Variants in CDIN1 observed in about 807,000 individuals in gnomAD.
CDIN1 encodes CDAN1 interacting nuclease 1.
In CDIN1, 33 loss-of-function variants were observed where a neutral mutation model predicts 45.3. That is an observed-to-expected ratio of 0.73 (90% CI 0.55 to 0.97). The LOEUF is 0.97. Among genes scored for constraint, CDIN1 ranks in the 50% least tolerant of loss-of-function variants. CDIN1 has a pLI of 0.00. For missense variants in CDIN1, 303 were observed against 339.4 expected, an observed-to-expected ratio of 0.89 and a Z score of 0.84; for synonymous variants, 118 against 124.4, an observed-to-expected ratio of 0.95 and a Z score of 0.34.
chr15:36,725,953 G>A (rs2043609084), intron 10 of CDIN1, among the ~76,000 whole-genome samples: 1 of 152,030 alleles, frequency 6.6e-6, no homozygotes, highest in Non-Finnish European at 1.5e-5. Context: ...AATATTCTCC[G>A]AGCATTTAGA....
chr15:36,587,069 CTAA>C (rs1344507205), intron 1 of CDIN1, among the ~76,000 whole-genome samples: 1 of 152,188 alleles, frequency 6.6e-6, no homozygotes, highest in Admixed American at 6.5e-5. Context: ...AGTCGCTGTA[CTAA>C]TGACTCAAAC....
chr15:36,800,819 T>C (rs2054988635), intron 10 of CDIN1, among the ~76,000 whole-genome samples: 1 of 146,590 alleles, frequency 6.8e-6, no homozygotes, highest in Non-Finnish European at 1.5e-5. Flanking sequence ...CAACTCATAA[T>C]AAGAGAAAAA....
intron 1 of CDIN1, among the ~76,000 whole-genome samples, chr15:36,643,093 C>T (rs912560180): frequency 1.3e-4 from 20 of 152,066 alleles, no homozygotes; most frequent in Non-Finnish European, 2.8e-4. Flanking sequence ...AAAAAACAGA[C>T]TATAATGGAT....
chr15:36,610,727 A>G (rs1210822337), intron 1 of CDIN1, among the ~76,000 whole-genome samples: 2 of 152,246 alleles, frequency 1.3e-5, no homozygotes, highest in African/African-American at 4.8e-5. Context: ...TTAAGTGTCC[A>G]CAGAATTGGT....
At chr15:36,650,946 T>C (rs1297664179) in intron 3 of CDIN1, among the ~76,000 whole-genome samples, 1 of 151,784 alleles carries the variant, frequency 6.6e-6, no homozygotes, top group African/African-American at 2.4e-5. Context: ...TCCTGTAGTC[T>C]CAGCTACTTG....
chr15:36,797,979 C>CAAACAAAAA (rs1555410386), intron 10 of CDIN1, among the ~76,000 whole-genome samples: 2 of 55,268 alleles, frequency 3.6e-5, no homozygotes, highest in African/African-American at 1.4e-4. Context: ...GACTCCATCT[C>CAAACAAAAA]AAAAAAAAAA....
In CDIN1 at chr15:36,608,331, C is replaced by A. The variant is rs75621472; in HGVS notation, c.101+28370C>A. 8.4e-3 allele frequency among the ~76,000 whole-genome samples: 1,284 copies of A among 152,264 alleles called. 24 individuals are homozygous for A. The highest frequency in any genetic ancestry group is 0.03 in the African/African-American group (1,233 of 41,550). ...TTTAATTTCTCAGAATCATCAATAA[C>A]ACTTGTGTATTGTGTCCTTTTGATT... On this transcript the variant is annotated intron_variant, in intron 1 of 10. Coordinates refer to ENST00000566621, the MANE Select transcript of CDIN1 (RefSeq NM_001321759.2).
intron 8 of CDIN1, among the ~76,000 whole-genome samples, chr15:36,701,542 A>G (rs1334717552): frequency 6.6e-6 from 1 of 152,138 alleles, no homozygotes; most frequent in Non-Finnish European, 1.5e-5. Context: ...CTGAAGATAA[A>G]CCATCCATCT....
intron 6 of CDIN1, 104 bp from the exon 7 acceptor site, chr15:36,692,022 G>T (rs1566904825): frequency 2.6e-6 from 3 of 1,138,214 alleles, no homozygotes; most frequent in East Asian, 5.3e-5. Flanking sequence ...TTTTTGGGGG[G>T]CGGGGGTGGG....
At chr15:36,583,062 T>C (rs1273051581) in intron 1 of CDIN1, among the ~76,000 whole-genome samples, 5 of 152,214 alleles carry the variant, frequency 3.3e-5, no homozygotes, top group Admixed American at 6.5e-5. Context: ...CCTATATATG[T>C]CATATTTGTT....
intron 10 of CDIN1, among the ~76,000 whole-genome samples, chr15:36,716,869 C>G (rs115004913): frequency 0.021 from 3,194 of 152,258 alleles, 115 homozygotes; most frequent in African/African-American, 0.073. Flanking sequence ...AGGGACTCAG[C>G]CCCTGCCTTT....
At position 36,809,995 on chromosome 15, in the gene CDIN1, GTGAAA is replaced by G. The variant is rs2055346287; in HGVS notation, c.*1544_*1548del. 1 of 151,764 alleles carries G rather than the reference GTGAAA, an allele frequency of 6.6e-6. No individual in the cohort carries two copies. Among genetic ancestry groups the G allele is most frequent in the Admixed American group, 6.6e-5 (1 of 15,196 alleles). 9.4% of individuals were successfully genotyped at this position (151,764 alleles called of 1,614,324 possible). ...TAAAATTCATCATGCAGGCTTCTGA[GTGAAA>G]TAGAATGATTTGAAACCACTACTGT... On this transcript the variant is annotated 3_prime_UTR_variant, in exon 11 of 11. Transcript: ENST00000566621.
rs144761919 is a variant in CDIN1 at position 36,671,447 on chromosome 15, T to G, written c.346+13542T>G. 1.5e-4 allele frequency among the ~76,000 whole-genome samples: 23 copies of G among 152,232 alleles called. No homozygotes were observed. In the East Asian group the frequency reaches 4.3e-3, roughly 28 times the overall value. ...TTTGTTTTTAATATTTCCTGTCTTA[T>G]TTTTTAAAATCATTCTGACATATTG... is the stretch of plus-strand genomic sequence containing the variant. On this transcript the variant is annotated intron_variant, in intron 5 of 10. Transcript: ENST00000566621.
intron 10 of CDIN1, among the ~76,000 whole-genome samples, chr15:36,723,011 A>G (rs1163134682): frequency 6.0e-5 from 9 of 149,820 alleles, no homozygotes; most frequent in Admixed American, 2.0e-4. Flanking sequence ...CATTCTTCCA[A>G]TCTACTCTTA....
intron 1 of CDIN1, chr15:36,617,589 C>T: frequency 2.6e-6 from 2 of 779,122 alleles, no homozygotes; most frequent in African/African-American, 1.7e-5. Context: ...AAAAGTTGAC[C>T]ACAGACCCTG....
At chr15:36,669,840 A>C (rs1297362226) in intron 5 of CDIN1, among the ~76,000 whole-genome samples, 1 of 152,056 alleles carries the variant, frequency 6.6e-6, no homozygotes, top group Admixed American at 6.6e-5. Context: ...ATATCATATC[A>C]AGGGGTATGT....
chr15:36,675,262 A>C (rs1595455663), intron 5 of CDIN1, among the ~76,000 whole-genome samples: 1 of 152,128 alleles, frequency 6.6e-6, no homozygotes, highest in East Asian at 1.9e-4. Context: ...TAATTGCTGC[A>C]CTGTGGGAGT....
chr15:36,592,098 A>G (rs1399462527), intron 1 of CDIN1, among the ~76,000 whole-genome samples: 1 of 151,932 alleles, frequency 6.6e-6, no homozygotes, highest in Non-Finnish European at 1.5e-5. Context: ...TTAAGAAAAA[A>G]TAAAATATCC....
chr15:36,655,874 G>A (rs1230351027), intron 4 of CDIN1, among the ~76,000 whole-genome samples: 1 of 151,996 alleles, frequency 6.6e-6, no homozygotes, highest in Non-Finnish European at 1.5e-5. Flanking sequence ...AATTTTTAAT[G>A]GATAGTTCTA....
Sources: allele counts gnomAD v4.1 joint callset (sites outside exome capture counted in the v4.1 genomes callset), GRCh38; gene constraint gnomAD v4.1.1; transcripts MANE v1.5; gene names NCBI Gene and HGNC (gene_info 2026-07-23, HGNC 2026-07-21).